The following SGCZ variants were observed in gnomAD, a reference collection of about 807,000 sequenced individuals.
The protein encoded by SGCZ is sarcoglycan zeta, also known as zeta-sarcoglycan.
Under a neutral mutation model 41.3 loss-of-function variants are expected in SGCZ, and 40 were observed. The ratio of observed to expected loss-of-function variants is 0.97; its 90% CI spans 0.75 to 1.26. The LOEUF (loss-of-function observed/expected upper bound fraction) is 1.26. Ranked by LOEUF, SGCZ falls within the 50% of genes most tolerant of loss-of-function variation. The pLI, the probability that SGCZ is intolerant of heterozygous loss-of-function variation, is 0.00. For missense variants in SGCZ, 552 were observed against 369.8 expected (o/e 1.49, Z -4.04); for synonymous variants, 206 against 137.5 (o/e 1.50, Z -3.49).
chr8:14,745,207 C>CTGTG lies in SGCZ; in HGVS notation c.40-190285_40-190282dup, dbSNP rs112838518. 2.7e-3 allele frequency among the ~76,000 whole-genome samples: 407 copies of CTGTG among 151,030 alleles called. 1 individual carries two copies. Among genetic ancestry groups the CTGTG allele is most frequent in the African/African-American group, 9.0e-3 (368 of 41,104 alleles). On this transcript the variant is annotated intron_variant, in intron 1 of 7. Transcript: ENST00000382080. Reference sequence around the variant, plus strand: ...TTTTCTGTTGATGATTTTAACACTACTGTGTGTGTGTGTGTTGAATCAGAA... The same window carrying CTGTG: ...TTTTCTGTTGATGATTTTAACACTACTGTGTGTGTGTGTGTGTGTTGAATCAGAA...
At chr8:14,831,238 T>G (rs1346850788) in intron 1 of SGCZ, among the ~76,000 whole-genome samples, 1 of 152,204 alleles carries the variant, frequency 6.6e-6, no homozygotes, top group African/African-American at 2.4e-5. Context: ...GGCAAAATAC[T>G]CATGGTGTTT....
chr8:14,863,696 G>C (rs925949170), intron 1 of SGCZ, among the ~76,000 whole-genome samples: 2 of 152,034 alleles, frequency 1.3e-5, no homozygotes, highest in African/African-American at 4.8e-5. Context: ...TTATTTTCTT[G>C]GACTTTAAAC....
intron 1 of SGCZ, among the ~76,000 whole-genome samples, chr8:14,986,942 A>C (rs1288507895): frequency 1.3e-5 from 2 of 152,130 alleles, no homozygotes; most frequent in South Asian, 2.1e-4. Flanking sequence ...TGTGGAAAAA[A>C]TTAAAGGAGG....
intron 1 of SGCZ, among the ~76,000 whole-genome samples, chr8:14,782,418 T>A (rs1653860623): frequency 6.6e-6 from 1 of 152,216 alleles, no homozygotes; most frequent in South Asian, 2.1e-4. Context: ...TTTGTTCATG[T>A]ATCTGTGTGT....
At chr8:14,392,635 A>T (rs185015386) in intron 2 of SGCZ, among the ~76,000 whole-genome samples, 1 of 152,294 alleles carries the variant, frequency 6.6e-6, no homozygotes, top group Admixed American at 6.5e-5. Context: ...TAACATAGGC[A>T]GATAAACTAT....
intron 1 of SGCZ, among the ~76,000 whole-genome samples, chr8:15,152,862 A>G (rs1167839933): frequency 1.3e-5 from 2 of 152,204 alleles, no homozygotes; most frequent in Non-Finnish European, 2.9e-5. Context: ...TGACTGCTAT[A>G]GTGATTCCCA....
At chr8:15,040,906 A>G (rs1804070524) in intron 1 of SGCZ, among the ~76,000 whole-genome samples, 1 of 152,200 alleles carries the variant, frequency 6.6e-6, no homozygotes, top group African/African-American at 2.4e-5. Flanking sequence ...TTGAAAAGCT[A>G]TATAACTTAA....
chr8:15,015,704 G>C (rs373760643), intron 1 of SGCZ, among the ~76,000 whole-genome samples: 1 of 100,262 alleles, frequency 1.0e-5, no homozygotes, highest in Non-Finnish European at 2.2e-5. Context: ...AAAAAAAAAA[G>C]AAAAGAAAAA....
chr8:14,583,009 T>C (rs549979687), intron 1 of SGCZ, among the ~76,000 whole-genome samples: 2 of 151,776 alleles, frequency 1.3e-5, no homozygotes, highest in African/African-American at 4.8e-5. Flanking sequence ...TTTATAGTCC[T>C]TTGGGTATAT....
intron 2 of SGCZ, among the ~76,000 whole-genome samples, chr8:14,546,738 G>C (rs1248824167): frequency 6.6e-6 from 1 of 152,078 alleles, no homozygotes; most frequent in Non-Finnish European, 1.5e-5. Flanking sequence ...GGTGTTATAT[G>C]AAAGCACGGA....
At chr8:15,027,789 A>G (rs554360719) in intron 1 of SGCZ, among the ~76,000 whole-genome samples, 9 of 152,170 alleles carry the variant, frequency 5.9e-5, no homozygotes, top group Admixed American at 5.9e-4. Flanking sequence ...GAGAAGGGAG[A>G]GGGATAAAAA....
At chr8:15,150,901 C>T (rs944254392) in intron 1 of SGCZ, among the ~76,000 whole-genome samples, 1 of 152,066 alleles carries the variant, frequency 6.6e-6, no homozygotes, top group African/African-American at 2.4e-5. Flanking sequence ...GATTTTTGCC[C>T]TCTCATTTTC....
At chr8:14,520,107 G>T (rs751307266) in intron 2 of SGCZ, among the ~76,000 whole-genome samples, 3 of 152,070 alleles carry the variant, frequency 2.0e-5, no homozygotes, top group Non-Finnish European at 4.4e-5. Context: ...TAGTCAGCTT[G>T]ATTTATAATA....
At chr8:14,391,752 T>C (rs1189032554) in intron 2 of SGCZ, among the ~76,000 whole-genome samples, 1 of 152,136 alleles carries the variant, frequency 6.6e-6, no homozygotes, top group East Asian at 1.9e-4. Flanking sequence ...GACTGGGTAA[T>C]TTATAAAGAA....
intron 1 of SGCZ, among the ~76,000 whole-genome samples, chr8:14,762,670 C>T (rs1449103955): frequency 6.6e-6 from 1 of 152,086 alleles, no homozygotes; most frequent in Non-Finnish European, 1.5e-5. Context: ...AATTTCTATC[C>T]TATGATTTGT....
chr8:15,010,365 T>C (rs1802781557), intron 1 of SGCZ, among the ~76,000 whole-genome samples: 2 of 152,330 alleles, frequency 1.3e-5, no homozygotes, highest in South Asian at 4.1e-4. Context: ...TTTATAGAAA[T>C]CTCAACAGAA....
chr8:14,579,722 T>C (rs1339822562), intron 1 of SGCZ, among the ~76,000 whole-genome samples: 1 of 152,190 alleles, frequency 6.6e-6, no homozygotes, highest in Non-Finnish European at 1.5e-5. Flanking sequence ...AGAAAATTAG[T>C]TGAGGCTTAG....
chr8:14,544,261 A>C (rs899682549), intron 2 of SGCZ, among the ~76,000 whole-genome samples: 2 of 152,186 alleles, frequency 1.3e-5, no homozygotes, highest in African/African-American at 2.4e-5. Context: ...TCATAAGCTG[A>C]GGATGTACAT....
At chr8:15,235,476 G>C (rs1802090748) in intron 1 of SGCZ, among the ~76,000 whole-genome samples, 1 of 152,096 alleles carries the variant, frequency 6.6e-6, no homozygotes, top group Non-Finnish European at 1.5e-5. Context: ...TTCCCAGTCA[G>C]TCATTGCCAA....
Sources: allele counts gnomAD v4.1 joint callset (sites outside exome capture counted in the v4.1 genomes callset), GRCh38; gene constraint gnomAD v4.1.1; transcripts MANE v1.5; gene names NCBI Gene and HGNC (gene_info 2026-07-23, HGNC 2026-07-21).